STAT1: variants seen among roughly 807,000 people sequenced by gnomAD.
STAT1 encodes signal transducer and activator of transcription 1.
A neutral mutation model predicts 111.7 loss-of-function variants in STAT1; 24 were observed. The observed-to-expected ratio is 0.21, with a 90% CI of 0.16 to 0.30. The LOEUF is 0.30. Ranked by LOEUF, STAT1 falls within the 10% of genes least tolerant of loss-of-function variation. The probability of loss-of-function intolerance (pLI) is 1.00; values close to 1 mark genes in which losing one functional copy is unlikely to be tolerated. For synonymous variants in STAT1, 332 were observed against 326.5 expected (o/e 1.02, Z -0.18); for missense variants, 351 against 911.9 (o/e 0.38, Z 7.92).
chr2:190,991,134 C>G, intron 11 of STAT1, 94 bp downstream of exon 11: 4 of 1,193,342 alleles, frequency 3.4e-6, no homozygotes, highest in Non-Finnish European at 4.9e-6. Context: ...ATTATTTCCT[C>G]AAAAGCACCC....
rs45470493 is a variant in STAT1 at position 190,973,641 on chromosome 2, T to A, written c.2238+1189A>T. 9.3e-4 allele frequency among the ~76,000 whole-genome samples: 142 copies of A among 152,304 alleles called. 1 individual carries two copies. In the Middle Eastern group the frequency reaches 0.01, roughly 11 times the overall value. On this transcript the variant is annotated intron_variant, in intron 24 of 24. Coordinates refer to ENST00000361099, the MANE Select transcript of STAT1 (RefSeq NM_007315.4). This position sits in a 1 kb window ranked among gnomAD's most constrained non-coding sequence, Gnocchi z 4.4. Reference sequence around the variant, plus strand: ...TTTTTGTGCCAGGCCTATAGCAGTGTTGGGAGCGAAACTCTAGCAGGATCC... The same window carrying A: ...TTTTTGTGCCAGGCCTATAGCAGTGATGGGAGCGAAACTCTAGCAGGATCC...
intron 12 of STAT1, among the ~76,000 whole-genome samples, chr2:190,988,577 G>C (rs967232450): frequency 6.6e-6 from 1 of 152,158 alleles, no homozygotes; most frequent in Middle Eastern, 3.4e-3. Context: ...ACGGGGTTTC[G>C]CCATGTTGGC....
chr2:190,978,897 G>A lies in STAT1; in HGVS notation c.1832C>T (p.Ala611Val). The A allele has an allele frequency of 6.2e-7, 1 of 1,614,108 alleles. No homozygotes were observed. Among genetic ancestry groups the A allele is most frequent in the Non-Finnish European group, 8.5e-7 (1 of 1,180,014 alleles). ...LRFSESSREG[A>V]ITFTWVERSQ... Reference sequence around the variant, plus strand: ...CCGCTCCACCCATGTGAATGTGATGGCCCCTTCCCGGGAGCTCTCACTGAA... The same window carrying A: ...CCGCTCCACCCATGTGAATGTGATGACCCCTTCCCGGGAGCTCTCACTGAA... Residue 611 changes from alanine to valine, a missense_variant, in exon 21 of 25, where the codon GCC becomes GTC. Physicochemically the swap from Ala to Val is moderately conservative, Grantham distance 64. Coordinates refer to ENST00000361099, the MANE Select transcript of STAT1 (RefSeq NM_007315.4). This position sits in a 1 kb window ranked among gnomAD's most constrained non-coding sequence, Gnocchi z 6.1.
Position 190,982,643 on chromosome 2 carries a change from T to A in STAT1, c.1447-125A>T. ...ATATGACACACAGGTGCTTTCACAGTAGGGGAAGAGAAATACAGTCAATTT... is the reference window on the plus strand; with the variant it reads ...ATATGACACACAGGTGCTTTCACAGAAGGGGAAGAGAAATACAGTCAATTT... On this transcript the variant is annotated intron_variant, in intron 17 of 24. Coordinates refer to ENST00000361099, the MANE Select transcript of STAT1 (RefSeq NM_007315.4). The surrounding 1 kb of genome is among the most constrained non-coding windows in gnomAD (Gnocchi z 7.3). The A allele has an allele frequency of 9.8e-7, 1 of 1,021,368 alleles. No homozygotes were observed. The highest frequency in any genetic ancestry group is 1.5e-6 in the Non-Finnish European group (1 of 660,002). The allele number at this position is 1,021,368 out of a possible 1,614,324, so 63.3% of individuals were successfully genotyped here.
intron 10 of STAT1, chr2:190,992,710 C>T (rs1693467554): frequency 8.0e-7 from 1 of 1,256,094 alleles, no homozygotes; most frequent in Non-Finnish European, 1.0e-6. Flanking sequence ...TCAGCACCAC[C>T]AGCTGTTGCT....
intron 2 of STAT1, 69 bp downstream of exon 2, chr2:191,013,456 A>C: frequency 2.5e-6 from 1 of 394,776 alleles, no homozygotes; most frequent in Non-Finnish European, 4.5e-6. Flanking sequence ...TCCATCTTTG[A>C]ACATAGAAAC....
Position 190,995,022 on chromosome 2 carries a change from C to T in STAT1, c.944+39G>A, listed in dbSNP as rs1693742345. On this transcript the variant is annotated intron_variant, in intron 10 of 24. Coordinates refer to ENST00000361099, the MANE Select transcript of STAT1 (RefSeq NM_007315.4). This position sits in a 1 kb window ranked among gnomAD's most constrained non-coding sequence, Gnocchi z 4.2. ...ACGGTAAAATGTTCCTCTGTATAGACCGATTACAGAAGGTACAAATAAATG... is the reference window on the plus strand; with the variant it reads ...ACGGTAAAATGTTCCTCTGTATAGATCGATTACAGAAGGTACAAATAAATG... 2 of 1,597,510 alleles carry T rather than the reference C, an allele frequency of 1.3e-6. No homozygotes were observed. Among genetic ancestry groups the T allele is most frequent in the South Asian group, 1.1e-5 (1 of 90,782 alleles).
Position 191,006,958 on chromosome 2 carries a change from C to A in STAT1, c.372+605G>T, listed in dbSNP as rs1694748208. ...GAGTCCTACAAAACTCCTGCCCCTG[C>A]CCCCTCCTTGCCTTCCCAGCTCCGT... On this transcript the variant is annotated intron_variant, in intron 5 of 24. Coordinates refer to ENST00000361099, the MANE Select transcript of STAT1 (RefSeq NM_007315.4). The surrounding 1 kb of genome is among the most constrained non-coding windows in gnomAD (Gnocchi z 4.6). 6.6e-6 allele frequency among the ~76,000 whole-genome samples: 1 copy of A among 152,160 alleles called. No homozygotes were observed. The highest frequency in any genetic ancestry group is 2.1e-4 in the South Asian group (1 of 4,828).
chr2:190,971,343 G>A lies in STAT1; in HGVS notation c.2239-626C>T, dbSNP rs1040826208. Among the ~76,000 whole-genome samples the A allele has an allele frequency of 1.3e-5, 2 of 152,190 alleles. No homozygotes were observed. The highest frequency in any genetic ancestry group is 2.9e-5 in the Non-Finnish European group (2 of 68,032). ...AGACCAGATGCTTTCAATCGAGGAT[G>A]ATTCTGTCCCCTGGCAATGGCTGAA... On this transcript the variant is annotated intron_variant, in intron 24 of 24. Transcript: ENST00000361099. The surrounding 1 kb of genome is among the most constrained non-coding windows in gnomAD (Gnocchi z 4.1).
intron 4 of STAT1, among the ~76,000 whole-genome samples, chr2:191,008,249 C>A (rs1017135601): frequency 2.0e-5 from 3 of 147,950 alleles, no homozygotes; most frequent in South Asian, 2.1e-4. Context: ...GGAAAAAAAA[C>A]AACTTCCAAT....
chr2:190,975,636 TTTTTTA>T lies in STAT1; in HGVS notation c.2135+170_2135+175del. On this transcript the variant is annotated intron_variant, in intron 23 of 24. Transcript: ENST00000361099. This position sits in a 1 kb window ranked among gnomAD's most constrained non-coding sequence, Gnocchi z 5.9. ...AAATTTGGTTTTTGGCTTTTTTTTT[TTTTTTA>T]AAGTAGTAAAATGCTGATAGGCAGT... 1 of 1,446,296 alleles carries T rather than the reference TTTTTTA, an allele frequency of 6.9e-7. No individual in the cohort carries two copies. Among genetic ancestry groups the T allele is most frequent in the Admixed American group, 2.8e-5 (1 of 35,268 alleles). The allele number at this position is 1,446,296 out of a possible 1,614,324, so 89.6% of individuals were successfully genotyped here.
At position 190,975,641 on chromosome 2, in the gene STAT1, T is replaced by A. The variant is rs879583102; in HGVS notation, c.2135+171A>T. The stretch of plus-strand genomic sequence containing the variant: ...TGGTTTTTGGCTTTTTTTTTTTTTT[T>A]AAAGTAGTAAAATGCTGATAGGCAG... On this transcript the variant is annotated intron_variant, in intron 23 of 24. Coordinates refer to ENST00000361099, the MANE Select transcript of STAT1 (RefSeq NM_007315.4). The surrounding 1 kb of genome is among the most constrained non-coding windows in gnomAD (Gnocchi z 5.9). 7.0e-4 allele frequency: 991 copies of A among 1,406,556 alleles called. No individual in the cohort carries two copies. The highest frequency in any genetic ancestry group is 8.0e-4 in the Non-Finnish European group (864 of 1,077,276). The allele number at this position is 1,406,556 out of a possible 1,614,324, so 87.1% of individuals were successfully genotyped here. A position where few individuals can be genotyped will look rare whatever the true frequency, so the allele number is the denominator to read the frequency against.
Position 190,989,760 on chromosome 2 carries a change from T to C in STAT1, c.1038-86A>G. The stretch of plus-strand genomic sequence containing the variant: ...TGCCAATTCCCTATTAACGTTTAGA[T>C]AAACTACTCCCCCTCCAGTTTTAGG... On this transcript the variant is annotated intron_variant, in intron 11 of 24. Coordinates refer to ENST00000361099, the MANE Select transcript of STAT1 (RefSeq NM_007315.4). This position sits in a 1 kb window ranked among gnomAD's most constrained non-coding sequence, Gnocchi z 5.0. 1 of 926,938 alleles carries C rather than the reference T, an allele frequency of 1.1e-6. No homozygotes were observed. The highest frequency in any genetic ancestry group is 1.7e-6 in the Non-Finnish European group (1 of 591,546). The allele number at this position is 926,938 out of a possible 1,614,324, so 57.4% of individuals were successfully genotyped here. A position where few individuals can be genotyped will look rare whatever the true frequency, so the allele number is the denominator to read the frequency against.
rs1693995284 is a variant in STAT1, at chr2:190,998,209, A to G, written c.633+8T>C. 7 of 1,609,750 alleles carry G rather than the reference A, an allele frequency of 4.3e-6. No individual in the cohort carries two copies. The South Asian group carries it at 4.4e-5, about 10-fold the overall frequency. ...AGTGGCATGCTATTCTGGAAAGTAA[A>G]TAACTACCTTTCTCTTATTGTCAAG... On this transcript the variant is annotated splice_region_variant and intron_variant, in intron 8 of 24. Transcript: ENST00000361099. This position sits in a 1 kb window ranked among gnomAD's most constrained non-coding sequence, Gnocchi z 4.1.
Position 190,980,176 on chromosome 2 carries a change from C to T in STAT1, c.1633-310G>A, listed in dbSNP as rs1692260441. ...TCACGGAAACACAAGCTGCCCCACA[C>T]TAGCAAAATCCAGCAGTGCAAGCTG... is the stretch of plus-strand genomic sequence containing the variant. On this transcript the variant is annotated intron_variant, in intron 19 of 24. Transcript: ENST00000361099. The surrounding 1 kb of genome is among the most constrained non-coding windows in gnomAD (Gnocchi z 6.1). Among the ~76,000 whole-genome samples, 1 of 152,218 alleles carries T rather than the reference C, an allele frequency of 6.6e-6. No individual in the cohort carries two copies. Among genetic ancestry groups the T allele is most frequent in the Non-Finnish European group, 1.5e-5 (1 of 68,028 alleles).
chr2:191,010,918 A>G (rs1695068943), intron 2 of STAT1, among the ~76,000 whole-genome samples: 1 of 152,238 alleles, frequency 6.6e-6, no homozygotes, highest in African/African-American at 2.4e-5. Flanking sequence ...TCATTAGGAA[A>G]ACGGAGAGTC....
At position 190,989,632 on chromosome 2, in the gene STAT1, G is replaced by A. The variant is rs962196160; in HGVS notation, c.1080C>T (p.Val360=). ...TATCTTACTTATCAAATAAGACTTT[G>A]ACTTTCAAATTATAATTCAGCTCTT... ...KLQELNYNLK[V]KVLFDKDVNE... Residue 360 remains valine (V), a synonymous_variant, in exon 12 of 25, where the codon GTC becomes GTT. Coordinates refer to ENST00000361099, the MANE Select transcript of STAT1 (RefSeq NM_007315.4). This position sits in a 1 kb window ranked among gnomAD's most constrained non-coding sequence, Gnocchi z 5.0. 1 of 1,582,922 alleles carries A rather than the reference G, an allele frequency of 6.3e-7. No individual in the cohort carries two copies. The highest frequency in any genetic ancestry group is 8.6e-7 in the Non-Finnish European group (1 of 1,156,572).
In STAT1 at chr2:190,983,823, G is replaced by A; in HGVS notation, c.1348-83C>T. The stretch of plus-strand genomic sequence containing the variant: ...AACTGCTTAGCCTCAACTAAAAGCA[G>A]GGGATTATTTGTAAATTTGTACATA... On this transcript the variant is annotated intron_variant, in intron 16 of 24. Coordinates refer to ENST00000361099, the MANE Select transcript of STAT1 (RefSeq NM_007315.4). This position sits in a 1 kb window ranked among gnomAD's most constrained non-coding sequence, Gnocchi z 5.7. 3 of 1,159,158 alleles carry A rather than the reference G, an allele frequency of 2.6e-6. No homozygotes were observed. Among genetic ancestry groups the A allele is most frequent in the Non-Finnish European group, 3.9e-6 (3 of 769,800 alleles). The allele number at this position is 1,159,158 out of a possible 1,614,324, so 71.8% of individuals were successfully genotyped here.
chr2:190,993,311 C>T lies in STAT1; in HGVS notation c.944+1750G>A, dbSNP rs1693536206. ...TGTCACATCATACACCACTAGGATGCCATTGGCTCCTCTGTAATAACTGGA... is the reference window on the plus strand; with the variant it reads ...TGTCACATCATACACCACTAGGATGTCATTGGCTCCTCTGTAATAACTGGA... On this transcript the variant is annotated intron_variant, in intron 10 of 24. Coordinates refer to ENST00000361099, the MANE Select transcript of STAT1 (RefSeq NM_007315.4). The surrounding 1 kb of genome is among the most constrained non-coding windows in gnomAD (Gnocchi z 4.1). 1.4e-6 allele frequency: 1 copy of T among 703,982 alleles called. No homozygotes were observed. Among genetic ancestry groups the T allele is most frequent in the Non-Finnish European group, 2.6e-6 (1 of 384,758 alleles). The allele number at this position is 703,982 out of a possible 1,614,324, so 43.6% of individuals were successfully genotyped here.
Sources: gnomAD v4.1 joint callset for allele counts (sites outside exome capture counted in the v4.1 genomes callset) on GRCh38, gnomAD v4.1.1 for gene constraint, Gnocchi (gnomAD v3.1) non-coding constraint, MANE v1.5 for transcripts, NCBI Gene and HGNC (gene_info 2026-07-23, HGNC 2026-07-21) for gene names.